Variants in IMMP2L observed in about 807,000 individuals in gnomAD.
The protein encoded by IMMP2L is mitochondrial inner membrane protease subunit 2.
In IMMP2L, 18 loss-of-function variants were observed where a neutral mutation model predicts 19.3. The ratio of observed to expected loss-of-function variants is 0.93; its 90% CI spans 0.64 to 1.38. The LOEUF is 1.38. IMMP2L is among the 40% of genes most tolerant of loss of function. The probability of loss-of-function intolerance (pLI) is 0.00; values close to 1 mark genes in which losing one functional copy is unlikely to be tolerated. For synonymous variants in IMMP2L, 76 were observed against 73.0 expected, an observed-to-expected ratio of 1.04 and a Z score of -0.21; for missense variants, 233 against 218.2, an observed-to-expected ratio of 1.07 and a Z score of -0.43.
intron 3 of IMMP2L, among the ~76,000 whole-genome samples, chr7:111,011,656 C>T (rs1048560249): frequency 2.6e-5 from 4 of 152,198 alleles, no homozygotes; most frequent in East Asian, 1.9e-4. Context: ...GGGCAAGGAA[C>T]GAATTCTGAA....
intron 5 of IMMP2L, among the ~76,000 whole-genome samples, chr7:110,665,206 AC>A (rs1180103460): frequency 6.6e-6 from 1 of 152,214 alleles, no homozygotes; most frequent in Admixed American, 6.5e-5. Context: ...AAAGTGTGGT[AC>A]AAAAAACAGC....
At chr7:111,154,893 G>A (rs1267682268) in intron 3 of IMMP2L, among the ~76,000 whole-genome samples, 7 of 151,986 alleles carry the variant, frequency 4.6e-5, no homozygotes, top group Admixed American at 4.6e-4. Flanking sequence ...AACTAGCTGG[G>A]ACTACAGCCC....
intron 3 of IMMP2L, among the ~76,000 whole-genome samples, chr7:111,462,576 G>A (rs1234175468): frequency 6.6e-6 from 1 of 152,084 alleles, no homozygotes; most frequent in Non-Finnish European, 1.5e-5. Context: ...GACAATACAA[G>A]CATACAATGT....
At chr7:111,485,597 CAAAAAAAAAA>C (rs71147477) in intron 3 of IMMP2L, among the ~76,000 whole-genome samples, 24 of 50,592 alleles carry the variant, frequency 4.7e-4, no homozygotes, top group Middle Eastern at 0.025. Context: ...GACTCTGTTT[CAAAAAAAAAA>C]AAAAAAAAAA....
rs544994622 is a variant in IMMP2L, at chr7:111,390,746, T to C, written c.239+96492A>G. The C allele has an allele frequency of 3.0e-4, 46 of 152,246 alleles. No homozygotes were observed. In the South Asian group the frequency reaches 9.5e-3, roughly 32 times the overall value. 9.4% of individuals were successfully genotyped at this position (152,246 alleles called of 1,614,324 possible). A position where few individuals can be genotyped will look rare whatever the true frequency, so the allele number is the denominator to read the frequency against. ...CGATTTCCATGGCAATAGGTAATAA[T>C]CTAGCAAATGTGAATTTCCGACTTA... On this transcript the variant is annotated intron_variant, in intron 3 of 5. Transcript: ENST00000405709.
intron 3 of IMMP2L, among the ~76,000 whole-genome samples, chr7:111,026,218 A>G (rs1826798448): frequency 6.6e-6 from 1 of 152,150 alleles, no homozygotes; most frequent in South Asian, 2.1e-4. Flanking sequence ...TCATTCTACT[A>G]CATTGTGTAA....
intron 3 of IMMP2L, among the ~76,000 whole-genome samples, chr7:111,070,405 T>G (rs1332306573): frequency 6.6e-6 from 1 of 152,116 alleles, no homozygotes; most frequent in East Asian, 1.9e-4. Flanking sequence ...ATTCTATTAA[T>G]GGTATACAGA....
intron 4 of IMMP2L, among the ~76,000 whole-genome samples, chr7:110,959,858 T>TGTTC (rs1312298175): frequency 6.6e-6 from 1 of 151,972 alleles, no homozygotes; most frequent in East Asian, 1.9e-4. Flanking sequence ...CAACTTTGCA[T>TGTTC]CATTAACCCT....
In IMMP2L at chr7:110,924,701, G is replaced by C. The variant is rs1412000189; in HGVS notation, c.306-38006C>G. Among the ~76,000 whole-genome samples the C allele has an allele frequency of 6.6e-6, 1 of 151,930 alleles. No individual in the cohort carries two copies. Among genetic ancestry groups the C allele is most frequent in the African/African-American group, 2.4e-5 (1 of 41,342 alleles). Reference sequence around the variant, plus strand: ...AGTGCTGAGACTCAACAATTTAAATGGCCTCATTTCTTCTTTCAGTGCTTT... The same window carrying C: ...AGTGCTGAGACTCAACAATTTAAATCGCCTCATTTCTTCTTTCAGTGCTTT... On this transcript the variant is annotated intron_variant, in intron 4 of 5. Coordinates refer to ENST00000405709, the MANE Select transcript of IMMP2L (RefSeq NM_032549.4). The surrounding 1 kb of genome is among the most constrained non-coding windows in gnomAD (Gnocchi z 4.2).
chr7:111,343,167 A>T (rs1255673344), intron 3 of IMMP2L, among the ~76,000 whole-genome samples: 1 of 152,096 alleles, frequency 6.6e-6, no homozygotes, highest in African/African-American at 2.4e-5. Context: ...TCACACTACA[A>T]TTACAAGGAT....
At chr7:111,179,867 T>C (rs1807509871) in intron 3 of IMMP2L, among the ~76,000 whole-genome samples, 1 of 152,098 alleles carries the variant, frequency 6.6e-6, no homozygotes, top group African/African-American at 2.4e-5. Context: ...CTTACACTTT[T>C]ATGTTACGAA....
chr7:111,157,330 T>A (rs947953868), intron 3 of IMMP2L, among the ~76,000 whole-genome samples: 1 of 152,070 alleles, frequency 6.6e-6, no homozygotes, highest in Non-Finnish European at 1.5e-5. Flanking sequence ...AACCTAAGTG[T>A]CCATCAATTG....
chr7:111,473,439 A>G (rs947224799), intron 3 of IMMP2L, among the ~76,000 whole-genome samples: 8 of 152,192 alleles, frequency 5.3e-5, no homozygotes, highest in African/African-American at 1.9e-4. Context: ...CCACATCCTT[A>G]AAAGTTTTCA....
chr7:110,773,913 A>AT (rs950371711), intron 5 of IMMP2L, among the ~76,000 whole-genome samples: 4 of 151,824 alleles, frequency 2.6e-5, no homozygotes, highest in African/African-American at 4.8e-5. Flanking sequence ...GTAAAATAAA[A>AT]AAAAAAAAAT....
At chr7:111,476,933 T>TA (rs1841779418) in intron 3 of IMMP2L, among the ~76,000 whole-genome samples, 1 of 152,162 alleles carries the variant, frequency 6.6e-6, no homozygotes, top group African/African-American at 2.4e-5. Flanking sequence ...GTCAACTGAT[T>TA]AGTAGCCTTA....
chr7:110,886,448 T>G (rs1226560367), intron 5 of IMMP2L, 145 bp downstream of exon 5: 1 of 599,284 alleles, frequency 1.7e-6, no homozygotes, highest in African/African-American at 1.9e-5. Flanking sequence ...CTATGATACT[T>G]AAAAGGAAAT....
intron 5 of IMMP2L, among the ~76,000 whole-genome samples, chr7:110,856,052 C>A (rs1365429129): frequency 2.0e-5 from 3 of 151,956 alleles, no homozygotes; most frequent in Non-Finnish European, 4.4e-5. Context: ...TTGCTTTTTT[C>A]ACATACTTCT....
intron 3 of IMMP2L, among the ~76,000 whole-genome samples, chr7:111,079,648 A>C (rs1037534783): frequency 1.6e-4 from 24 of 152,202 alleles, no homozygotes; most frequent in Admixed American, 2.6e-4. Flanking sequence ...TTAGTAAATG[A>C]GCTCCTAACT....
intron 5 of IMMP2L, among the ~76,000 whole-genome samples, chr7:110,848,020 A>C (rs11505728): frequency 0.053 from 8,127 of 152,208 alleles, 705 homozygotes; most frequent in African/African-American, 0.18. Context: ...TTTAGATACA[A>C]CATCAAAGGC....
Sources: allele counts gnomAD v4.1 joint callset (sites outside exome capture counted in the v4.1 genomes callset), GRCh38; gene constraint gnomAD v4.1.1; non-coding constraint Gnocchi (gnomAD v3.1); transcripts MANE v1.5; gene names NCBI Gene and HGNC (gene_info 2026-07-23, HGNC 2026-07-21).